The following TMED3 variants were observed in gnomAD, a reference collection of about 807,000 sequenced individuals.
TMED3 encodes transmembrane p24 trafficking protein 3, also known as transmembrane emp24 domain-containing protein 3.
Under a neutral mutation model 15.0 loss-of-function variants are expected in TMED3, and 9 were observed. The ratio of observed to expected loss-of-function variants is 0.60; its 90% CI spans 0.36 to 1.04. The LOEUF (loss-of-function observed/expected upper bound fraction) is 1.04, where lower values mean the gene tolerates loss of function less well. Ranked by LOEUF, TMED3 falls within the 50% of genes least tolerant of loss-of-function variation. TMED3 has a pLI of 0.01. For missense variants in TMED3, 267 were observed against 278.9 expected, an observed-to-expected ratio of 0.96 and a Z score of 0.30; for synonymous variants, 117 against 121.4, an observed-to-expected ratio of 0.96 and a Z score of 0.24.
chr15:79,358,753 A>G (rs1191247381), intron 2 of TMED3, among the ~76,000 whole-genome samples: 1 of 152,242 alleles, frequency 6.6e-6, no homozygotes, highest in Non-Finnish European at 1.5e-5. Context: ...ACGAAATTTC[A>G]TAGAAAGCAG....
intron 2 of TMED3, among the ~76,000 whole-genome samples, chr15:79,410,538 G>A (rs959425646): frequency 6.6e-6 from 1 of 152,098 alleles, no homozygotes. Context: ...ATTGGTTTAG[G>A]TAATACAGTA....
At chr15:79,347,266 TAA>T (rs2058874536) in intron 2 of TMED3, among the ~76,000 whole-genome samples, 2 of 152,018 alleles carry the variant, frequency 1.3e-5, no homozygotes, top group Non-Finnish European at 2.9e-5. Flanking sequence ...TAAACAGAAC[TAA>T]AGACAAAAAA....
chr15:79,387,403 C>T (rs183979647), intron 2 of TMED3, among the ~76,000 whole-genome samples: 2 of 152,166 alleles, frequency 1.3e-5, no homozygotes, highest in East Asian at 3.9e-4. Context: ...CATTCATTAG[C>T]CTATTTGTCA....
intron 2 of TMED3, among the ~76,000 whole-genome samples, chr15:79,391,803 C>G (rs768794335): frequency 6.6e-6 from 1 of 152,148 alleles, no homozygotes; most frequent in Non-Finnish European, 1.5e-5. Context: ...TGATATTTTC[C>G]TGTTGGACAA....
chr15:79,322,430 C>T lies in TMED3; in HGVS notation c.*216C>T, dbSNP rs2058771954. ...AAGGCATCCGACTGCATTAAGTGTG[C>T]AGCGCTGAAAAGACATTTACAACTA... On this transcript the variant is annotated 3_prime_UTR_variant, in exon 3 of 3. Coordinates refer to ENST00000299705, the MANE Select transcript of TMED3 (RefSeq NM_007364.4). 1 of 1,395,548 alleles carries T rather than the reference C, an allele frequency of 7.2e-7. No homozygotes were observed. Among genetic ancestry groups the T allele is most frequent in the Non-Finnish European group, 9.3e-7 (1 of 1,077,582 alleles). 86.4% of individuals were successfully genotyped at this position (1,395,548 alleles called of 1,614,324 possible). A position where few individuals can be genotyped will look rare whatever the true frequency, so the allele number is the denominator to read the frequency against.
rs76292607 is a variant in TMED3 at position 79,381,870 on chromosome 15, C to A, written c.418-29530C>A. Among the ~76,000 whole-genome samples the A allele has an allele frequency of 6.9e-3, 1,051 of 152,314 alleles. 28 individuals are homozygous for A. The highest frequency in any genetic ancestry group is 0.054 in the Admixed American group (820 of 15,290). ...CCTTCCTTCTTCCTTCCAGAGCTCA[C>A]TGGGGTCTTAATGCTGTCAGAAGTA... is the stretch of plus-strand genomic sequence containing the variant. On this transcript the variant is annotated intron_variant, in intron 2 of 2. Transcript: ENST00000424155.
chr15:79,312,662 G>T (rs544637581), intron 1 of TMED3, among the ~76,000 whole-genome samples: 2 of 152,184 alleles, frequency 1.3e-5, no homozygotes, highest in Non-Finnish European at 2.9e-5. Context: ...TTTGCTTTAT[G>T]TGGGTCTTAT....
At chr15:79,337,074 A>G (rs183410087) in intron 2 of TMED3, among the ~76,000 whole-genome samples, 4 of 152,352 alleles carry the variant, frequency 2.6e-5, no homozygotes, top group East Asian at 1.9e-4. Flanking sequence ...TTTAGCTGCT[A>G]TCAGTTGCAA....
At chr15:79,312,292 A>G (rs1023626634) in intron 1 of TMED3, among the ~76,000 whole-genome samples, 11 of 152,188 alleles carry the variant, frequency 7.2e-5, no homozygotes, top group African/African-American at 1.9e-4. Context: ...GACAACTTCT[A>G]TGTGGTAGTC....
At chr15:79,367,197 T>C (rs1419069735) in intron 2 of TMED3, among the ~76,000 whole-genome samples, 1 of 152,158 alleles carries the variant, frequency 6.6e-6, no homozygotes, top group African/African-American at 2.4e-5. Flanking sequence ...AAGTCCAATA[T>C]GATGCAGAAC....
intron 2 of TMED3, among the ~76,000 whole-genome samples, chr15:79,345,862 A>G (rs979335254): frequency 1.3e-5 from 2 of 152,090 alleles, no homozygotes; most frequent in African/African-American, 4.8e-5. Context: ...GTAAGATGAC[A>G]TCTTCTCATG....
At chr15:79,322,903 G>A (rs1207162047), downstream of TMED3, 2 of 985,006 alleles carry the variant, frequency 2.0e-6, no homozygotes, top group African/African-American at 3.5e-5. Flanking sequence ...CAGAGCATGG[G>A]TGTGTGCATA....
In TMED3 at chr15:79,311,325, G is replaced by C; in HGVS notation, c.76G>C (p.Gly26Arg). Residue 26 changes from glycine (G) to arginine (R), a missense_variant, in exon 1 of 3, where the codon GGG (glycine) becomes CGG (arginine). By Grantham distance (125) the Gly-to-Arg change is moderately radical. Coordinates refer to ENST00000299705, the MANE Select transcript of TMED3 (RefSeq NM_007364.4). ...CCTGCGCCGGGCCGAGCAGCCCTGC[G>C]GGGCCGAGCTCACCTTCGAGCTGCC... ...LLLRRAEQPC[G>R]AELTFELPDN... The C allele has an allele frequency of 6.2e-7, 1 of 1,610,126 alleles. No individual in the cohort carries two copies. The highest frequency in any genetic ancestry group is 1.3e-5 in the African/African-American group (1 of 74,942).
chr15:79,314,109 C>T, intron 2 of TMED3, 104 bp downstream of exon 2: 1 of 1,474,278 alleles, frequency 6.8e-7, no homozygotes. Context: ...ATCCAGCTCC[C>T]AGTCTGGAAG....
At chr15:79,387,844 C>A (rs1231747253) in intron 2 of TMED3, among the ~76,000 whole-genome samples, 1 of 152,058 alleles carries the variant, frequency 6.6e-6, no homozygotes, top group Non-Finnish European at 1.5e-5. Flanking sequence ...CCTGATACTT[C>A]TTGATGCTAT....
intron 2 of TMED3, among the ~76,000 whole-genome samples, chr15:79,341,195 CAAAAAA>C (rs58885572): frequency 1.7e-5 from 1 of 58,346 alleles, no homozygotes; most frequent in Non-Finnish European, 2.8e-5. Context: ...GACCCTGTCT[CAAAAAA>C]AAAAAAAAAA....
chr15:79,353,292 TG>T (rs2058903784), intron 2 of TMED3, among the ~76,000 whole-genome samples: 1 of 38,108 alleles, frequency 2.6e-5, no homozygotes, highest in Non-Finnish European at 4.1e-5. Flanking sequence ...ATATATTATA[TG>T]TATATTATAT....
chr15:79,350,167 C>CGGAT (rs2058886441), intron 2 of TMED3, among the ~76,000 whole-genome samples: 1 of 151,908 alleles, frequency 6.6e-6, no homozygotes, highest in African/African-American at 2.4e-5. Flanking sequence ...GATGGCTGTG[C>CGGAT]GGATGGATAG....
chr15:79,321,379 T>G (rs1409937892), intron 2 of TMED3, among the ~76,000 whole-genome samples: 1 of 152,274 alleles, frequency 6.6e-6, no homozygotes, highest in Admixed American at 6.5e-5. Context: ...CGTATGTGTC[T>G]ATGTAGTGCC....
Sources: allele counts gnomAD v4.1 joint callset (sites outside exome capture counted in the v4.1 genomes callset), GRCh38; gene constraint gnomAD v4.1.1; transcripts MANE v1.5; gene names NCBI Gene and HGNC (gene_info 2026-07-23, HGNC 2026-07-21).